ATP2C2: variants seen among roughly 807,000 people sequenced by gnomAD.
The protein encoded by ATP2C2 is ATPase secretory pathway Ca2+ transporting 2, also known as calcium-transporting ATPase type 2C member 2.
In ATP2C2, 171 loss-of-function variants were observed where a neutral mutation model predicts 110.8. The observed-to-expected ratio is 1.54, with a 90% CI of 1.36 to 1.75. The LOEUF is 1.75. ATP2C2 is among the 40% of genes most tolerant of loss of function. The pLI, the probability that ATP2C2 is intolerant of heterozygous loss-of-function variation, is 0.00. For missense variants in ATP2C2, 1,963 were observed against 1,235.0 expected (o/e 1.59, Z -8.84); for synonymous variants, 804 against 508.4 (o/e 1.58, Z -7.82).
At chr16:84,376,051 G>A (rs564837377) in intron 1 of ATP2C2, among the ~76,000 whole-genome samples, 20 of 152,192 alleles carry the variant, frequency 1.3e-4, no homozygotes, top group Admixed American at 5.2e-4. Context: ...GTGTATGAGC[G>A]GTGCCAGCCC....
At chr16:84,400,650 C>G (rs986924003) in intron 2 of ATP2C2, among the ~76,000 whole-genome samples, 1 of 152,090 alleles carries the variant, frequency 6.6e-6, no homozygotes, top group Admixed American at 6.5e-5. Context: ...TTGAGGAACC[C>G]TCCAAACTGT....
chr16:84,380,574 G>C (rs1910516464), intron 1 of ATP2C2, among the ~76,000 whole-genome samples: 1 of 152,104 alleles, frequency 6.6e-6, no homozygotes, highest in Non-Finnish European at 1.5e-5. Context: ...TGTTTGCTTG[G>C]GTGTTCTTGG....
chr16:84,409,066 T>G (rs1433690478), intron 4 of ATP2C2, among the ~76,000 whole-genome samples: 1 of 152,204 alleles, frequency 6.6e-6, no homozygotes, highest in Admixed American at 6.5e-5. Context: ...ACCACCAATC[T>G]TTTTCTATCT....
intron 1 of ATP2C2, among the ~76,000 whole-genome samples, chr16:84,387,177 G>A (rs1034998153): frequency 6.6e-5 from 10 of 152,234 alleles, no homozygotes; most frequent in Non-Finnish European, 1.2e-4. Context: ...TTGGGCACTC[G>A]TATCTCCTGG....
chr16:84,369,362 A>G (rs536239914), intron 1 of ATP2C2, among the ~76,000 whole-genome samples: 1 of 151,428 alleles, frequency 6.6e-6, no homozygotes, highest in African/African-American at 2.4e-5. Context: ...GGATTCTTGG[A>G]AGCCAGGGGT....
intron 24 of ATP2C2, 175 bp from the exon 25 acceptor site, chr16:84,461,539 C>A (rs1261056014): frequency 2.9e-6 from 2 of 682,846 alleles, no homozygotes; most frequent in South Asian, 3.3e-5. Context: ...GCTGGGGAGA[C>A]CCTGGGGTAG....
At chr16:84,450,412 C>G (rs1238927769) in intron 17 of ATP2C2, among the ~76,000 whole-genome samples, 4 of 152,070 alleles carry the variant, frequency 2.6e-5, no homozygotes, top group Admixed American at 2.6e-4. Context: ...ACCCCCCACC[C>G]CACATGCATC....
intron 11 of ATP2C2, among the ~76,000 whole-genome samples, chr16:84,427,260 C>T (rs961609730): frequency 1.3e-5 from 2 of 152,244 alleles, no homozygotes; most frequent in South Asian, 2.1e-4. Flanking sequence ...TCCATCAGCT[C>T]ATTAAAGAAT....
intron 16 of ATP2C2, among the ~76,000 whole-genome samples, chr16:84,446,659 GGTT>G (rs1909780562): frequency 6.6e-6 from 1 of 152,174 alleles, no homozygotes; most frequent in Non-Finnish European, 1.5e-5. Flanking sequence ...GAGTAGCAGC[GGTT>G]GTTACCACGC....
chr16:84,419,379 A>G (rs1907124953), intron 7 of ATP2C2, among the ~76,000 whole-genome samples: 1 of 152,036 alleles, frequency 6.6e-6, no homozygotes, highest in African/African-American at 2.4e-5. Flanking sequence ...TCTCCCTGAC[A>G]TCAGACACAT....
Position 84,415,587 on chromosome 16 carries a change from C to G in ATP2C2, c.620C>G (p.Thr207Ser), listed in dbSNP as rs753978405. Residue 207 changes from threonine to serine, a missense_variant, in exon 7 of 27, where the codon ACT (threonine) becomes AGT (serine). Transcript: ENST00000262429. ...GDRIPADIRL[T>S]EVTDLLVDES... ...CGGATCCCTGCAGACATCCGACTCA[C>G]TGAGGTGAGTGGTTCCAAACCCTTG... is the stretch of plus-strand genomic sequence containing the variant. 2 of 1,612,702 alleles carry G rather than the reference C, an allele frequency of 1.2e-6. No individual in the cohort carries two copies. Among genetic ancestry groups the G allele is most frequent in the African/African-American group, 2.7e-5 (2 of 75,004 alleles).
At chr16:84,463,306 C>T (rs1049517118) in intron 26 of ATP2C2, among the ~76,000 whole-genome samples, 2 of 152,126 alleles carry the variant, frequency 1.3e-5, no homozygotes, top group African/African-American at 4.8e-5. Context: ...GGCACTGGGA[C>T]AGCTGCTGTA....
chr16:84,403,079 C>G (rs2150516568), intron 2 of ATP2C2, among the ~76,000 whole-genome samples: 1 of 152,212 alleles, frequency 6.6e-6, no homozygotes, highest in South Asian at 2.1e-4. Flanking sequence ...TATAGTTGCT[C>G]CTGGTAGCCA....
intron 7 of ATP2C2, among the ~76,000 whole-genome samples, chr16:84,421,547 A>C (rs1907338952): frequency 1.3e-5 from 2 of 152,112 alleles, no homozygotes; most frequent in Non-Finnish European, 2.9e-5. Context: ...CCAGGTCCCT[A>C]GGGATAGGCC....
At position 84,368,638 on chromosome 16, in the gene ATP2C2, A is replaced by G; in HGVS notation, c.23A>G (p.Glu8Gly). The G allele has an allele frequency of 6.4e-7, 1 of 1,564,424 alleles. No homozygotes were observed. The highest frequency in any genetic ancestry group is 1.4e-5 in the African/African-American group (1 of 71,760). Residue 8 changes from glutamate to glycine, a missense_variant, in exon 1 of 27, where the codon GAG becomes GGG. Glu to Gly is a moderately conservative substitution (Grantham distance 98). Transcript: ENST00000262429. MVEGRVS[E>G]FLKKLGFSGG... Reference sequence around the variant, plus strand: ...ACCATGGTCGAGGGACGCGTCTCCGAGTTCCTGAAGAAACTCGGCTTCTCG... The same window carrying G: ...ACCATGGTCGAGGGACGCGTCTCCGGGTTCCTGAAGAAACTCGGCTTCTCG...
chr16:84,456,153 A>G (rs1776192792), intron 21 of ATP2C2, among the ~76,000 whole-genome samples: 1 of 116,382 alleles, frequency 8.6e-6, no homozygotes, highest in African/African-American at 3.3e-5. Context: ...AAAATGAGTT[A>G]GGGAGGATTC....
chr16:84,399,360 C>T (rs922903709), intron 2 of ATP2C2, among the ~76,000 whole-genome samples: 2 of 152,156 alleles, frequency 1.3e-5, no homozygotes, highest in Non-Finnish European at 2.9e-5. Context: ...CATATTATCC[C>T]TAGCTAGAAA....
chr16:84,408,973 C>G (rs117580036), intron 4 of ATP2C2, among the ~76,000 whole-genome samples: 3 of 152,212 alleles, frequency 2.0e-5, no homozygotes, highest in Non-Finnish European at 2.9e-5. Context: ...CTGCCTAGTT[C>G]CAAAACATTT....
chr16:84,436,408 G>T (rs764879534), intron 11 of ATP2C2, among the ~76,000 whole-genome samples: 8 of 152,206 alleles, frequency 5.3e-5, no homozygotes, highest in Admixed American at 2.6e-4. Context: ...GTATTTCCTG[G>T]GCAGCCTGGC....
Sources: gnomAD v4.1 joint callset for allele counts (sites outside exome capture counted in the v4.1 genomes callset) on GRCh38, gnomAD v4.1.1 for gene constraint, MANE v1.5 for transcripts, NCBI Gene and HGNC (gene_info 2026-07-23, HGNC 2026-07-21) for gene names.